Variants in EPN1 observed in about 807,000 individuals in gnomAD.
EPN1 encodes the protein epsin 1.
EPN1 carries 25 observed loss-of-function variants against 56.9 expected under a neutral mutation model. That is an observed-to-expected ratio of 0.44 (90% confidence interval 0.32 to 0.61). The LOEUF is 0.61. EPN1 is among the 20% of genes least tolerant of loss of function. The probability of loss-of-function intolerance (pLI) is 0.05; values close to 1 mark genes in which losing one functional copy is unlikely to be tolerated. For synonymous variants in EPN1, 411 were observed against 361.8 expected, an observed-to-expected ratio of 1.14 and a Z score of -1.54; for missense variants, 785 against 823.7, an observed-to-expected ratio of 0.95 and a Z score of 0.58.
chr19:55,692,394 C>T (rs1039476137), intron 7 of EPN1, among the ~76,000 whole-genome samples: 5 of 151,210 alleles, frequency 3.3e-5, no homozygotes, highest in East Asian at 2.0e-4. Context: ...AGGGGCCTGA[C>T]ACCCAGCTGG....
chr19:55,701,112 G>T lies in EPN1; in HGVS notation c.*5756G>T, dbSNP rs1313881640. 6.6e-6 allele frequency: 1 copy of T among 152,098 alleles called. No homozygotes were observed. Among genetic ancestry groups the T allele is most frequent in the Admixed American group, 6.6e-5 (1 of 15,258 alleles). The allele number at this position is 152,098 out of a possible 1,614,324, so 9.4% of individuals were successfully genotyped here. ...CCCATCTTATCAAGATGCTGGACTC[G>T]GTGCTTGAAACATGTCCTGACAGCC... On this transcript the variant is annotated 3_prime_UTR_variant, in exon 11 of 11. Transcript: ENST00000270460.
rs1304039522 is a variant in EPN1, at chr19:55,707,348, A to C, written c.*11992A>C. On this transcript the variant is annotated 3_prime_UTR_variant, in exon 11 of 11. Transcript: ENST00000270460. ...AAAAGCAGACCCTGACTCTAAAACA[A>C]AAGAAAGAACAAATAACAAATGAAA... The C allele has an allele frequency of 6.6e-6, 1 of 152,192 alleles. No homozygotes were observed. The highest frequency in any genetic ancestry group is 1.5e-5 in the Non-Finnish European group (1 of 68,052). 9.4% of individuals were successfully genotyped at this position (152,192 alleles called of 1,614,324 possible).
rs1987296840 is a variant in EPN1, at chr19:55,704,438, C to T, written c.*9082C>T. 1 of 152,222 alleles carries T rather than the reference C, an allele frequency of 6.6e-6. No homozygotes were observed. The highest frequency in any genetic ancestry group is 6.5e-5 in the Admixed American group (1 of 15,278). 9.4% of individuals were successfully genotyped at this position (152,222 alleles called of 1,614,324 possible). Reference sequence around the variant, plus strand: ...CTGACTGTTATATAGTGGGGTTGCACCTTCATGTGAGGACGCCGGGAGAAG... The same window carrying T: ...CTGACTGTTATATAGTGGGGTTGCATCTTCATGTGAGGACGCCGGGAGAAG... On this transcript the variant is annotated 3_prime_UTR_variant, in exon 11 of 11. Transcript: ENST00000270460.
Position 55,689,947 on chromosome 19 carries a change from G to C in EPN1, c.759G>C (p.Glu253Asp). 1 of 1,597,460 alleles carries C rather than the reference G, an allele frequency of 6.3e-7. No homozygotes were observed. The part of the protein sequence containing the change: ...EESKRETGGK[E>D]ESSLMDLADV... ...GCAAGAGGGAGACTGGGGGCAAGGA[G>C]GAGGTGAGCGGGGCTTGTTCTGCCC... Residue 253 changes from glutamate to aspartate, a missense_variant, in exon 6 of 11, where the codon GAG (glutamate) becomes GAC (aspartate). Around this residue, in one of 2 missense-constraint regions of EPN1, gnomAD observed 650 missense variants for 605.0 expected, o/e 1.07. Transcript: ENST00000270460. The surrounding 1 kb of genome is among the most constrained non-coding windows in gnomAD (Gnocchi z 5.7).
rs1180440984 is a variant in EPN1 at position 55,697,385 on chromosome 19, C to T, written c.*2029C>T. Reference sequence around the variant, plus strand: ...CCCCTCACTTGTCAGACCCTCCATTCACCAAATTAAGGATAAGTTTCACGA... The same window carrying T: ...CCCCTCACTTGTCAGACCCTCCATTTACCAAATTAAGGATAAGTTTCACGA... On this transcript the variant is annotated 3_prime_UTR_variant, in exon 11 of 11. Transcript: ENST00000270460. 3 of 152,216 alleles carry T rather than the reference C, an allele frequency of 2.0e-5. No homozygotes were observed. Among genetic ancestry groups the T allele is most frequent in the Admixed American group, 2.0e-4 (3 of 15,282 alleles). The allele number at this position is 152,216 out of a possible 1,614,324, so 9.4% of individuals were successfully genotyped here.
In EPN1 at chr19:55,691,468, C is replaced by T. The variant is rs1047744463; in HGVS notation, c.763-286C>T. Among the ~76,000 whole-genome samples the T allele has an allele frequency of 6.6e-6, 1 of 151,420 alleles. No individual in the cohort carries two copies. The highest frequency in any genetic ancestry group is 1.5e-5 in the Non-Finnish European group (1 of 67,892). The stretch of plus-strand genomic sequence containing the variant: ...GAGCAGGTGGAGTTAAGGGGCTGCC[C>T]TGCTGCAGTGTGGAGAATGGATGTG... On this transcript the variant is annotated intron_variant, in intron 6 of 10. Transcript: ENST00000270460. This position sits in a 1 kb window ranked among gnomAD's most constrained non-coding sequence, Gnocchi z 5.6.
chr19:55,689,320 C>T lies in EPN1; in HGVS notation c.627C>T (p.Asp209=), dbSNP rs572577460. 1.2e-5 allele frequency: 18 copies of T among 1,549,256 alleles called. No homozygotes were observed. In the Admixed American group the frequency reaches 1.8e-4, roughly 15 times the overall value. The change falls in exon 5 of 11, where the codon GAC becomes GAT. Residue 209 remains aspartate (D), a synonymous_variant. Coordinates refer to ENST00000270460, the MANE Select transcript of EPN1 (RefSeq NM_001130072.2). The surrounding 1 kb of genome is among the most constrained non-coding windows in gnomAD (Gnocchi z 5.7). The stretch of plus-strand genomic sequence containing the variant: ...AGCCCCCGTCCTGCGGCCCCGAGGA[C>T]GACGCCCAGCTCCAGCTGGCCCTTA... ...ADQPPSCGPE[D]DAQLQLALSL...
chr19:55,692,915 C>T lies in EPN1; in HGVS notation c.1178-36C>T, dbSNP rs772379931. ...GGAGGTGGGGGCTGAGGCGGGGCCC[C>T]AGGGAGGGGCTGAGCAGAACATCCT... On this transcript the variant is annotated intron_variant, in intron 8 of 10. Coordinates refer to ENST00000270460, the MANE Select transcript of EPN1 (RefSeq NM_001130072.2). 3.7e-6 allele frequency: 6 copies of T among 1,610,452 alleles called. No homozygotes were observed. In the South Asian group the frequency reaches 6.6e-5, roughly 18 times the overall value.
intron 3 of EPN1, 102 bp downstream of exon 3, chr19:55,685,747 G>A: frequency 7.0e-7 from 1 of 1,429,536 alleles, no homozygotes; most frequent in Non-Finnish European, 9.4e-7. Context: ...AGCCAGGAGG[G>A]ACCGCGGCAT....
At chr19:55,692,908 G>A (rs371972494) in intron 8 of EPN1, 43 bp from the exon 9 acceptor site, 47 of 1,606,756 alleles carry the variant, frequency 2.9e-5, no homozygotes, top group Non-Finnish European at 3.3e-5. Context: ...GGGCTGAGGC[G>A]GGGCCCCAGG....
intron 2 of EPN1, among the ~76,000 whole-genome samples, chr19:55,679,981 A>T (rs1326321863): frequency 6.6e-6 from 1 of 152,174 alleles, no homozygotes; most frequent in Non-Finnish European, 1.5e-5. Context: ...CCAGACGCAC[A>T]TCCTTCCTGG....
rs1987390414 is a variant in EPN1, at chr19:55,706,146, T to TCC, written c.*10790_*10791insCC. ...GAGACTGGAGAACTTTGATTTCTTC[T>TCC]TCCTCCTCCTCCTCTCTTTTCTTCT... On this transcript the variant is annotated 3_prime_UTR_variant, in exon 11 of 11. Transcript: ENST00000270460. 2 of 189,906 alleles carry TCC rather than the reference T, an allele frequency of 1.1e-5. No individual in the cohort carries two copies. Among genetic ancestry groups the TCC allele is most frequent in the Admixed American group, 5.9e-5 (1 of 16,924 alleles). The allele number at this position is 189,906 out of a possible 1,614,324, so 11.8% of individuals were successfully genotyped here.
At position 55,701,988 on chromosome 19, in the gene EPN1, G is replaced by A. The variant is rs1389654776; in HGVS notation, c.*6632G>A. The A allele has an allele frequency of 4.4e-5, 5 of 114,322 alleles. No homozygotes were observed. The highest frequency in any genetic ancestry group is 2.4e-4 in the African/African-American group (5 of 21,002). The allele number at this position is 114,322 out of a possible 1,614,324, so 7.1% of individuals were successfully genotyped here. On this transcript the variant is annotated 3_prime_UTR_variant, in exon 11 of 11. Transcript: ENST00000270460. ...TTTTTTTTTTTTTTTTTGAGATGGA[G>A]TCTCGCTCTGTCGCCCAGGCTGGAG...
In EPN1 at chr19:55,691,824, G is replaced by C. The variant is rs1303432870; in HGVS notation, c.833G>C (p.Gly278Ala). The change falls in exon 7 of 11, where the codon GGC becomes GCC. Residue 278 changes from glycine (G) to alanine (A), a missense_variant. This residue lies in a region of EPN1 where 650 missense variants were observed against 605.0 expected (regional missense o/e 1.07). Coordinates refer to ENST00000270460, the MANE Select transcript of EPN1 (RefSeq NM_001130072.2). The surrounding 1 kb of genome is among the most constrained non-coding windows in gnomAD (Gnocchi z 5.6). ...GCCCCGACCACAGACCCCTGGGGGG[G>C]CCCAGCACCCATGGCTGCTGCCGTC... Reference protein sequence around the residue: ...APAPTTDPWGGPAPMAAAVPT... With the variant: ...APAPTTDPWGAPAPMAAAVPT... 3.7e-6 allele frequency: 6 copies of C among 1,610,064 alleles called. No homozygotes were observed. The highest frequency in any genetic ancestry group is 3.3e-5 in the Admixed American group (2 of 59,728).
intron 1 of EPN1, among the ~76,000 whole-genome samples, chr19:55,676,277 C>T (rs1031782896): frequency 6.6e-6 from 1 of 151,872 alleles, no homozygotes; most frequent in African/African-American, 2.4e-5. Flanking sequence ...TGTTAGATAT[C>T]GGTCGGTTAT....
rs1305589429 is a variant in EPN1 at position 55,704,109 on chromosome 19, C to G, written c.*8753C>G. On this transcript the variant is annotated 3_prime_UTR_variant, in exon 11 of 11. Coordinates refer to ENST00000270460, the MANE Select transcript of EPN1 (RefSeq NM_001130072.2). The stretch of plus-strand genomic sequence containing the variant: ...CCTCTCGCGGGCTCTTACTCGTGGT[C>G]CCGGTCTCCTCCTGGTCCCCACCTT... 6.6e-6 allele frequency: 1 copy of G among 152,390 alleles called. No individual in the cohort carries two copies. Among genetic ancestry groups the G allele is most frequent in the Non-Finnish European group, 1.5e-5 (1 of 68,134 alleles). The allele number at this position is 152,390 out of a possible 1,614,324, so 9.4% of individuals were successfully genotyped here.
In EPN1 at chr19:55,685,500, C is replaced by T. The variant is rs373445525; in HGVS notation, c.333C>T (p.Tyr111=). Residue 111 remains tyrosine, a synonymous_variant, in exon 3 of 11, where the codon TAC becomes TAT. Transcript: ENST00000270460. ...TGCAGACGCTGAAGGACTTCCAGTA[C>T]GTGGACCGCGACGGCAAGGACCAGG... ...YAVQTLKDFQ[Y]VDRDGKDQGV... 5.0e-5 allele frequency: 81 copies of T among 1,612,802 alleles called. No homozygotes were observed. The highest frequency in any genetic ancestry group is 5.5e-5 in the Non-Finnish European group (65 of 1,179,514).
chr19:55,694,536 T>G lies in EPN1; in HGVS notation c.1265-190T>G. Reference sequence around the variant, plus strand: ...GCTCACTGGAATCAGACCCACCTTATGGGAATCTGGGCTGACGTGAGGTTT... The same window carrying G: ...GCTCACTGGAATCAGACCCACCTTAGGGGAATCTGGGCTGACGTGAGGTTT... On this transcript the variant is annotated intron_variant, in intron 9 of 10. Transcript: ENST00000270460. The surrounding 1 kb of genome is among the most constrained non-coding windows in gnomAD (Gnocchi z 4.2). 1 of 567,654 alleles carries G rather than the reference T, an allele frequency of 1.8e-6. No individual in the cohort carries two copies. The highest frequency in any genetic ancestry group is 1.9e-5 in the African/African-American group (1 of 52,552). 35.2% of individuals were successfully genotyped at this position (567,654 alleles called of 1,614,324 possible). A position where few individuals can be genotyped will look rare whatever the true frequency, so the allele number is the denominator to read the frequency against.
rs558907704 is a variant in EPN1, at chr19:55,700,758, G to A, written c.*5402G>A. On this transcript the variant is annotated 3_prime_UTR_variant, in exon 11 of 11. Coordinates refer to ENST00000270460, the MANE Select transcript of EPN1 (RefSeq NM_001130072.2). ...AATGACATGCTCTCTAGTAATCGTT[G>A]TGTGTTACTGTCAAAAGGTATAACT... 1.3e-5 allele frequency: 2 copies of A among 152,370 alleles called. No individual in the cohort carries two copies. Among genetic ancestry groups the A allele is most frequent in the South Asian group, 2.1e-4 (1 of 4,828 alleles). 9.4% of individuals were successfully genotyped at this position (152,370 alleles called of 1,614,324 possible). A position where few individuals can be genotyped will look rare whatever the true frequency, so the allele number is the denominator to read the frequency against.
Sources: gnomAD v4.1 joint callset for allele counts (sites outside exome capture counted in the v4.1 genomes callset) on GRCh38, gnomAD v4.1.1 for gene constraint, gnomAD v4.1.1 regional missense constraint, Gnocchi (gnomAD v3.1) non-coding constraint, MANE v1.5 for transcripts, NCBI Gene and HGNC (gene_info 2026-07-23, HGNC 2026-07-21) for gene names.